Variants in AOAH observed in about 807,000 individuals in gnomAD.
AOAH encodes the protein acyloxyacyl hydrolase (neutrophil).
AOAH carries 64 observed loss-of-function variants against 92.2 expected under a neutral mutation model. The ratio of observed to expected loss-of-function variants is 0.69; its 90% CI spans 0.57 to 0.86. The LOEUF is 0.86. Among genes scored for constraint, AOAH ranks in the 40% least tolerant of loss-of-function variants. The pLI, the probability that AOAH is intolerant of heterozygous loss-of-function variation, is 0.00. For synonymous variants in AOAH, 263 were observed against 254.5 expected, an observed-to-expected ratio of 1.03 and a Z score of -0.32; for missense variants, 656 against 694.6, an observed-to-expected ratio of 0.94 and a Z score of 0.62.
intron 10 of AOAH, among the ~76,000 whole-genome samples, chr7:36,616,967 G>A (rs1791940244): frequency 1.3e-5 from 2 of 152,184 alleles, no homozygotes; most frequent in Admixed American, 1.3e-4. Flanking sequence ...TGGAGACACG[G>A]AGATAGAAAG....
At chr7:36,591,017 C>T (rs1213306723) in intron 12 of AOAH, among the ~76,000 whole-genome samples, 1 of 152,164 alleles carries the variant, frequency 6.6e-6, no homozygotes, top group Admixed American at 6.5e-5. Context: ...AAATTATGAT[C>T]CCACAGATGC....
At chr7:36,657,307 C>T (rs1019075386) in intron 4 of AOAH, among the ~76,000 whole-genome samples, 2 of 152,090 alleles carry the variant, frequency 1.3e-5, no homozygotes, top group African/African-American at 4.8e-5. Flanking sequence ...CGGGAAGTGA[C>T]TTTCAGGAAG....
chr7:36,720,224 A>T (rs901372347), intron 1 of AOAH, among the ~76,000 whole-genome samples: 1 of 151,656 alleles, frequency 6.6e-6, no homozygotes, highest in Non-Finnish European at 1.5e-5. Flanking sequence ...ATCTCGGCTC[A>T]CTGCAACCTC....
intron 11 of AOAH, chr7:36,599,758 T>C (rs1192220689): frequency 1.3e-5 from 2 of 152,262 alleles, no homozygotes; most frequent in Non-Finnish European, 2.9e-5. Flanking sequence ...GTTGGAACCA[T>C]GGGTCTCCCA....
chr7:36,555,494 C>T (rs1380636594), intron 13 of AOAH, among the ~76,000 whole-genome samples: 3 of 152,162 alleles, frequency 2.0e-5, no homozygotes, highest in African/African-American at 7.2e-5. Context: ...ATGATGCTGG[C>T]CTCATAAAAT....
intron 1 of AOAH, among the ~76,000 whole-genome samples, chr7:36,696,717 G>A (rs1797734225): frequency 6.6e-6 from 1 of 151,880 alleles, no homozygotes; most frequent in African/African-American, 2.4e-5. Flanking sequence ...AAAATTAACT[G>A]GGCATGGTGG....
intron 1 of AOAH, among the ~76,000 whole-genome samples, chr7:36,714,832 A>C (rs1799020147): frequency 6.6e-6 from 1 of 152,232 alleles, no homozygotes; most frequent in African/African-American, 2.4e-5. Context: ...GTATCTCAAA[A>C]TAATAAGAGC....
intron 16 of AOAH, among the ~76,000 whole-genome samples, chr7:36,533,526 C>T (rs1784823105): frequency 2.6e-5 from 4 of 152,162 alleles, no homozygotes; most frequent in South Asian, 2.1e-4. Flanking sequence ...GGTCTGTCTT[C>T]TGTACAGGCT....
intron 13 of AOAH, among the ~76,000 whole-genome samples, chr7:36,557,368 G>T (rs978728119): frequency 6.6e-6 from 1 of 152,234 alleles, no homozygotes; most frequent in African/African-American, 2.4e-5. Flanking sequence ...TTAGTCTGAT[G>T]TGCTTCTCTT....
intron 4 of AOAH, among the ~76,000 whole-genome samples, chr7:36,650,440 G>A (rs906321077): frequency 2.6e-5 from 4 of 152,158 alleles, no homozygotes; most frequent in African/African-American, 4.8e-5. Context: ...GGTTTTGGAT[G>A]TGTGGGAGGT....
chr7:36,530,767 A>C, intron 18 of AOAH: 1 of 377,688 alleles, frequency 2.6e-6, no homozygotes, highest in Non-Finnish European at 4.8e-6. Flanking sequence ...CACCCTTGGG[A>C]CTGGCAAAGG....
intron 6 of AOAH, among the ~76,000 whole-genome samples, chr7:36,630,445 A>G (rs543808129): frequency 6.6e-5 from 10 of 152,334 alleles, no homozygotes; most frequent in African/African-American, 2.4e-4. Context: ...TCTCACGGCT[A>G]AAGAACATTA....
At chr7:36,677,576 C>T (rs938700142) in intron 2 of AOAH, among the ~76,000 whole-genome samples, 2 of 152,024 alleles carry the variant, frequency 1.3e-5, no homozygotes, top group African/African-American at 4.8e-5. Context: ...GCAATATGAT[C>T]CAGTTTATAT....
At chr7:36,621,627 C>G (rs1361567322) in intron 8 of AOAH, 83 bp downstream of exon 8, 1 of 1,300,948 alleles carries the variant, frequency 7.7e-7, no homozygotes, top group African/African-American at 1.5e-5. Flanking sequence ...GTGGGAATCC[C>G]CTAGGCTGGG....
chr7:36,514,423 G>T, intron 20 of AOAH: 2 of 1,390,310 alleles, frequency 1.4e-6, no homozygotes, highest in Non-Finnish European at 2.0e-6. Flanking sequence ...GGAATCCTTA[G>T]CTTAATACAC....
At chr7:36,635,451 A>C (rs1201906247) in intron 5 of AOAH, among the ~76,000 whole-genome samples, 4 of 152,166 alleles carry the variant, frequency 2.6e-5, no homozygotes, top group Non-Finnish European at 5.9e-5. Flanking sequence ...CTGAAACTGA[A>C]TTTCTGTGTG....
At chr7:36,622,695 G>A (rs2116090853) in intron 7 of AOAH, among the ~76,000 whole-genome samples, 1 of 152,304 alleles carries the variant, frequency 6.6e-6, no homozygotes, top group East Asian at 1.9e-4. Context: ...AACCAGTCTG[G>A]GCCTAAGATT....
At chr7:36,693,675 C>T (rs1370700407) in intron 1 of AOAH, among the ~76,000 whole-genome samples, 2 of 152,080 alleles carry the variant, frequency 1.3e-5, no homozygotes, top group Non-Finnish European at 2.9e-5. Context: ...GTAAAATTAG[C>T]TTATCTAAGC....
At chr7:36,618,224 G>T in intron 10 of AOAH, 73 bp downstream of exon 10, 1 of 1,365,658 alleles carries the variant, frequency 7.3e-7, no homozygotes, top group Non-Finnish European at 1.0e-6. Context: ...TAGGTGGTCT[G>T]CTCACTTCAA....
Sources: allele counts gnomAD v4.1 joint callset (sites outside exome capture counted in the v4.1 genomes callset), GRCh38; gene constraint gnomAD v4.1.1; transcripts MANE v1.5; gene names NCBI Gene and HGNC (gene_info 2026-07-23, HGNC 2026-07-21).